The following RNGTT variants were observed in gnomAD, a reference collection of about 807,000 sequenced individuals.
The protein encoded by RNGTT is RNA guanylyltransferase and 5'-phosphatase, also known as mRNA-capping enzyme.
A neutral mutation model predicts 79.3 loss-of-function variants in RNGTT; 33 were observed. The ratio of observed to expected loss-of-function variants is 0.42; its 90% CI spans 0.32 to 0.56. The LOEUF (loss-of-function observed/expected upper bound fraction) is 0.56. RNGTT is among the 20% of genes least tolerant of loss of function. The probability of loss-of-function intolerance (pLI) is 0.17; values close to 1 mark genes in which losing one functional copy is unlikely to be tolerated. For missense variants in RNGTT, 497 were observed against 739.1 expected (o/e 0.67, Z 3.80); for synonymous variants, 222 against 235.9 (o/e 0.94, Z 0.54).
intron 1 of RNGTT, among the ~76,000 whole-genome samples, chr6:88,957,447 T>C (rs1785472607): frequency 6.6e-6 from 1 of 152,198 alleles, no homozygotes; most frequent in South Asian, 2.1e-4. Context: ...TCACTGATGA[T>C]ATGATTGTAT....
intron 14 of RNGTT, among the ~76,000 whole-genome samples, chr6:88,670,757 C>T (rs536240795): frequency 0.012 from 1,785 of 152,246 alleles, 31 homozygotes; most frequent in African/African-American, 0.04. Context: ...TCATGTAGCC[C>T]CCACTTGCAC....
At chr6:88,806,318 CTTTT>C (rs896456612) in intron 11 of RNGTT, among the ~76,000 whole-genome samples, 1 of 135,602 alleles carries the variant, frequency 7.4e-6, no homozygotes. Context: ...AAGGAACACG[CTTTT>C]TTTTTTTTTT....
intron 12 of RNGTT, among the ~76,000 whole-genome samples, chr6:88,775,214 C>G (rs1471912470): frequency 6.6e-6 from 1 of 152,168 alleles, no homozygotes; most frequent in African/African-American, 2.4e-5. Flanking sequence ...CATCTCCTCA[C>G]AGTTACCTTG....
chr6:88,796,807 T>C (rs1779616629), intron 12 of RNGTT, among the ~76,000 whole-genome samples: 1 of 152,196 alleles, frequency 6.6e-6, no homozygotes, highest in African/African-American at 2.4e-5. Flanking sequence ...TGAGTACAAC[T>C]ACTCTCTCCT....
In RNGTT at chr6:88,617,711, T is replaced by G. The variant is rs554820593; in HGVS notation, c.1507-3316A>C. On this transcript the variant is annotated intron_variant, in intron 14 of 15. Transcript: ENST00000369485. ...TGAATTTTAAGATAGTTTTTTAATT[T>G]CTGCAAAAAATACTATTGGGATTTT... 1.2e-4 allele frequency among the ~76,000 whole-genome samples: 19 copies of G among 152,274 alleles called. No homozygotes were observed. In the South Asian group the frequency reaches 3.9e-3, roughly 32 times the overall value.
At chr6:88,727,662 A>C (rs994886315) in intron 13 of RNGTT, among the ~76,000 whole-genome samples, 1 of 152,220 alleles carries the variant, frequency 6.6e-6, no homozygotes, top group Non-Finnish European at 1.5e-5. Flanking sequence ...AAAATCATAC[A>C]GGAAGCATTG....
At chr6:88,843,548 C>CTTTTTTTT (rs11312733) in intron 11 of RNGTT, among the ~76,000 whole-genome samples, 2 of 66,634 alleles carry the variant, frequency 3.0e-5, no homozygotes, top group African/African-American at 1.4e-4. Flanking sequence ...TAGTATGATT[C>CTTTTTTTT]TTTTTTTTTT....
chr6:88,664,231 G>A (rs1044483502), intron 14 of RNGTT, among the ~76,000 whole-genome samples: 2 of 152,156 alleles, frequency 1.3e-5, no homozygotes, highest in South Asian at 4.1e-4. Flanking sequence ...ACGTAAACAA[G>A]GTCTCCGAGG....
chr6:88,672,214 TATATAC>T (rs200749853), intron 14 of RNGTT, among the ~76,000 whole-genome samples: 9 of 137,306 alleles, frequency 6.6e-5, no homozygotes, highest in Admixed American at 7.5e-5. Context: ...TATATATATA[TATATAC>T]ACACACACAC....
intron 12 of RNGTT, among the ~76,000 whole-genome samples, chr6:88,771,315 G>A (rs1386123075): frequency 0.019 from 1,166 of 61,998 alleles, 38 homozygotes; most frequent in African/African-American, 0.073. Context: ...GTGTGTGTGT[G>A]TATATATATA....
At chr6:88,769,287 A>C (rs2127841711) in intron 13 of RNGTT, among the ~76,000 whole-genome samples, 1 of 151,968 alleles carries the variant, frequency 6.6e-6, no homozygotes, top group Admixed American at 6.6e-5. Context: ...CAGCCTCCCG[A>C]GTAGCTGGGA....
intron 14 of RNGTT, among the ~76,000 whole-genome samples, chr6:88,655,526 T>C (rs1051761133): frequency 9.2e-5 from 14 of 152,326 alleles, no homozygotes; most frequent in Admixed American, 2.6e-4. Context: ...CTGTGACTAA[T>C]GGCACCCAGT....
chr6:88,749,953 C>CTAT (rs1347218627), intron 13 of RNGTT, among the ~76,000 whole-genome samples: 1 of 152,094 alleles, frequency 6.6e-6, no homozygotes, highest in African/African-American at 2.4e-5. Context: ...TGACGTGCAG[C>CTAT]TATAGCACTT....
chr6:88,661,796 A>C (rs1442819134), intron 14 of RNGTT, among the ~76,000 whole-genome samples: 1 of 152,212 alleles, frequency 6.6e-6, no homozygotes, highest in East Asian at 1.9e-4. Context: ...TAAAGAGGGA[A>C]TCCTCCCTAA....
intron 12 of RNGTT, among the ~76,000 whole-genome samples, chr6:88,770,666 G>GT (rs1778624647): frequency 6.6e-6 from 1 of 152,162 alleles, no homozygotes; most frequent in Non-Finnish European, 1.5e-5. Flanking sequence ...TGGAATGACT[G>GT]TATCACATGG....
intron 4 of RNGTT, among the ~76,000 whole-genome samples, chr6:88,915,957 C>T (rs1424515343): frequency 6.6e-6 from 1 of 152,024 alleles, no homozygotes; most frequent in East Asian, 1.9e-4. Context: ...TAAACCTGGG[C>T]AAAAGATCTG....
At chr6:88,887,047 TAAAA>T (rs754717516) in intron 8 of RNGTT, among the ~76,000 whole-genome samples, 3,787 of 83,416 alleles carry the variant, frequency 0.045, 197 homozygotes, top group African/African-American at 0.15. Flanking sequence ...ACAATTTCTT[TAAAA>T]AAAAAAAAAA....
chr6:88,622,730 C>T (rs1426245509), intron 14 of RNGTT, among the ~76,000 whole-genome samples: 3 of 152,094 alleles, frequency 2.0e-5, no homozygotes, highest in Non-Finnish European at 4.4e-5. Flanking sequence ...ATACCATCTA[C>T]ATGTGAATAA....
chr6:88,690,110 G>A (rs2127795324), intron 13 of RNGTT, among the ~76,000 whole-genome samples: 1 of 152,186 alleles, frequency 6.6e-6, no homozygotes, highest in Non-Finnish European at 1.5e-5. Flanking sequence ...TCAAGGTCAT[G>A]AAAAACAAGA....
Sources: allele counts gnomAD v4.1 joint callset (sites outside exome capture counted in the v4.1 genomes callset), GRCh38; gene constraint gnomAD v4.1.1; transcripts MANE v1.5; gene names NCBI Gene and HGNC (gene_info 2026-07-23, HGNC 2026-07-21).